TRIO: variants seen among roughly 807,000 people sequenced by gnomAD.
TRIO encodes triple functional domain protein.
In TRIO, 58 loss-of-function variants were observed where a neutral mutation model predicts 351.9. That is an observed-to-expected ratio of 0.16 (90% confidence interval 0.13 to 0.21). TRIO has a LOEUF of 0.21. TRIO is among the 10% of genes least tolerant of loss of function. TRIO has a pLI of 1.00. For synonymous variants in TRIO, 1,758 were observed against 1,595.7 expected, an observed-to-expected ratio of 1.10 and a Z score of -2.42; for missense variants, 3,201 against 4,027.8, an observed-to-expected ratio of 0.79 and a Z score of 5.56.
chr5:14,391,565 C>T lies in TRIO; in HGVS notation c.4218+575C>T, dbSNP rs576730302. Among the ~76,000 whole-genome samples, 53 of 152,290 alleles carry T rather than the reference C, an allele frequency of 3.5e-4. No homozygotes were observed. In the South Asian group the frequency reaches 5.6e-3, roughly 16 times the overall value. On this transcript the variant is annotated intron_variant, in intron 27 of 56. Coordinates refer to ENST00000344204, the MANE Select transcript of TRIO (RefSeq NM_007118.4). ...ATCTGTGTTTTGAAAGCTGTTGCAGCGGCTTATTCAGCACAAAAGAGATGG... is the reference window on the plus strand; with the variant it reads ...ATCTGTGTTTTGAAAGCTGTTGCAGTGGCTTATTCAGCACAAAAGAGATGG...
intron 1 of TRIO, among the ~76,000 whole-genome samples, chr5:14,257,215 C>T (rs996462532): frequency 1.3e-5 from 2 of 152,224 alleles, no homozygotes; most frequent in African/African-American, 2.4e-5. Context: ...ACCAGACAGG[C>T]TCCTGCAGGC....
intron 19 of TRIO, among the ~76,000 whole-genome samples, chr5:14,375,308 G>C (rs2152348818): frequency 6.6e-6 from 1 of 152,306 alleles, no homozygotes; most frequent in Non-Finnish European, 1.5e-5. Context: ...ATTTCCTGTA[G>C]AAATAAGTTC....
intron 1 of TRIO, among the ~76,000 whole-genome samples, chr5:14,160,005 T>G (rs1224619561): frequency 6.6e-6 from 1 of 152,250 alleles, no homozygotes; most frequent in Non-Finnish European, 1.5e-5. Flanking sequence ...TAATTTTCAT[T>G]GTGCCTGTTT....
chr5:14,189,562 A>G (rs1434215192), intron 1 of TRIO, among the ~76,000 whole-genome samples: 1 of 152,186 alleles, frequency 6.6e-6, no homozygotes, highest in Non-Finnish European at 1.5e-5. Context: ...GGTTGTACAT[A>G]TATGACCAAG....
chr5:14,343,106 A>T (rs1222965051), intron 11 of TRIO, among the ~76,000 whole-genome samples: 1 of 147,416 alleles, frequency 6.8e-6, no homozygotes, highest in African/African-American at 2.5e-5. Context: ...AAAAAAAAAA[A>T]GAGAGAGAAA....
intron 10 of TRIO, among the ~76,000 whole-genome samples, chr5:14,335,055 T>A (rs1288918247): frequency 1.3e-5 from 2 of 152,130 alleles, no homozygotes; most frequent in Non-Finnish European, 2.9e-5. Context: ...ACATGCGCAT[T>A]CACATCTGTC....
At chr5:14,336,135 A>G (rs980286652) in intron 10 of TRIO, among the ~76,000 whole-genome samples, 1 of 152,230 alleles carries the variant, frequency 6.6e-6, no homozygotes, top group Non-Finnish European at 1.5e-5. Flanking sequence ...ATTGTATCAT[A>G]CGGAAAGACA....
chr5:14,311,033 T>C (rs558672888), intron 8 of TRIO, among the ~76,000 whole-genome samples: 1 of 152,348 alleles, frequency 6.6e-6, no homozygotes, highest in East Asian at 1.9e-4. Context: ...ATCGCAGTGT[T>C]GCTGTAGCGA....
intron 1 of TRIO, among the ~76,000 whole-genome samples, chr5:14,172,806 A>T (rs1194326314): frequency 6.6e-6 from 1 of 152,232 alleles, no homozygotes; most frequent in Non-Finnish European, 1.5e-5. Flanking sequence ...TGGATACAGC[A>T]AATTACAGCA....
intron 1 of TRIO, among the ~76,000 whole-genome samples, chr5:14,258,118 T>C (rs1032583211): frequency 3.3e-5 from 5 of 152,262 alleles, no homozygotes; most frequent in African/African-American, 1.2e-4. Flanking sequence ...CGTTTTGAGT[T>C]GTGGCACCAT....
At chr5:14,279,013 AT>A (rs1216995714) in intron 2 of TRIO, among the ~76,000 whole-genome samples, 1 of 152,220 alleles carries the variant, frequency 6.6e-6, no homozygotes, top group East Asian at 1.9e-4. Context: ...TAAGACTGGA[AT>A]GATAAAACCT....
rs1215208581 is a variant in TRIO, at chr5:14,496,827, C to T, written c.7881-52C>T. The T allele has an allele frequency of 1.9e-6, 3 of 1,598,766 alleles. No homozygotes were observed. The Middle Eastern group carries it at 5.0e-4, about 267-fold the overall frequency. On this transcript the variant is annotated intron_variant, in intron 49 of 56. Coordinates refer to ENST00000344204, the MANE Select transcript of TRIO (RefSeq NM_007118.4). ...TTTTCTTTAACGCTTCCAGGCAGCA[C>T]TTGGTGAATGTTGGAAAGGCATAAT... is the stretch of plus-strand genomic sequence containing the variant.
intron 1 of TRIO, among the ~76,000 whole-genome samples, chr5:14,227,599 C>G (rs749648821): frequency 6.6e-6 from 1 of 152,124 alleles, no homozygotes; most frequent in Non-Finnish European, 1.5e-5. Context: ...AAGATACCAC[C>G]CTTTGAGGAA....
At position 14,177,749 on chromosome 5, in the gene TRIO, A is replaced by G. The variant is rs145752587; in HGVS notation, c.157+33867A>G. Among the ~76,000 whole-genome samples the G allele has an allele frequency of 3.2e-3, 481 of 152,244 alleles. 3 individuals are homozygous for G. The highest frequency in any genetic ancestry group is 0.011 in the African/African-American group (451 of 41,540). ...CATCAGTCCCTGGGCTTGGGTGCCT[A>G]GGAGTTTCCCTTCTGCCTGTCTTGA... On this transcript the variant is annotated intron_variant, in intron 1 of 56. Transcript: ENST00000344204.
rs375921733 is a variant in TRIO at position 14,279,916 on chromosome 5, AAG to A, written c.233-404_233-403del. On this transcript the variant is annotated intron_variant, in intron 2 of 56. Coordinates refer to ENST00000344204, the MANE Select transcript of TRIO (RefSeq NM_007118.4). ...AGACCCATCTTGTTGATAGGAAAGA[AAG>A]AACTTTGAATGCAGGGCAATGGGGA... Among the ~76,000 whole-genome samples the A allele has an allele frequency of 1.2e-4, 19 of 152,344 alleles. No individual in the cohort carries two copies. In the East Asian group the frequency reaches 2.9e-3, roughly 23 times the overall value.
chr5:14,360,999 T>C (rs1744102461), intron 13 of TRIO, among the ~76,000 whole-genome samples: 1 of 152,180 alleles, frequency 6.6e-6, no homozygotes, highest in Non-Finnish European at 1.5e-5. Flanking sequence ...GCCTGCCATG[T>C]CCTCCCCAAG....
chr5:14,401,953 T>C (rs913313926), intron 31 of TRIO, among the ~76,000 whole-genome samples: 1 of 152,164 alleles, frequency 6.6e-6, no homozygotes, highest in Non-Finnish European at 1.5e-5. Flanking sequence ...TCAGTGACTG[T>C]GAGTTACTCC....
intron 16 of TRIO, 126 bp downstream of exon 16, chr5:14,367,105 A>G (rs1744667007): frequency 2.9e-6 from 4 of 1,359,720 alleles, no homozygotes; most frequent in Non-Finnish European, 3.9e-6. Context: ...GACTCAGAGG[A>G]CCCAAATTGG....
At chr5:14,227,722 G>A (rs1043247932) in intron 1 of TRIO, among the ~76,000 whole-genome samples, 23 of 152,270 alleles carry the variant, frequency 1.5e-4, no homozygotes, top group Admixed American at 1.5e-3. Context: ...CAATTGCATC[G>A]GGAGGGTTTA....
Sources: gnomAD v4.1 joint callset for allele counts (sites outside exome capture counted in the v4.1 genomes callset) on GRCh38, gnomAD v4.1.1 for gene constraint, MANE v1.5 for transcripts, NCBI Gene and HGNC (gene_info 2026-07-23, HGNC 2026-07-21) for gene names.